The following DYNLL2 variants were observed in gnomAD, a reference collection of about 807,000 sequenced individuals.
DYNLL2 encodes the protein dynein light chain 2, cytoplasmic.
Under a neutral mutation model 9.7 loss-of-function variants are expected in DYNLL2, and 1 was observed. The ratio of observed to expected loss-of-function variants is 0.10; its 90% confidence interval spans 0.04 to 0.49. The LOEUF is 0.49. Ranked by LOEUF, DYNLL2 falls within the 20% of genes least tolerant of loss-of-function variation. The probability of loss-of-function intolerance (pLI) is 0.95; values close to 1 mark genes in which losing one functional copy is unlikely to be tolerated. For missense variants in DYNLL2, 37 were observed against 115.2 expected (o/e 0.32, Z 3.11); for synonymous variants, 35 against 40.5 (o/e 0.86, Z 0.52).
chr17:58,089,396 C>T lies in DYNLL2; in HGVS notation c.*117C>T, dbSNP rs2075771980. On this transcript the variant is annotated 3_prime_UTR_variant, in exon 3 of 3. Coordinates refer to ENST00000579991, the MANE Select transcript of DYNLL2 (RefSeq NM_080677.3). ...GTCCTCTCCAATGGCTGTGCTACTG[C>T]ATGGACTGTATACTCGATTTCATGT... The T allele has an allele frequency of 7.4e-7, 1 of 1,343,896 alleles. No individual in the cohort carries two copies. The highest frequency in any genetic ancestry group is 1.0e-6 in the Non-Finnish European group (1 of 978,224). The allele number at this position is 1,343,896 out of a possible 1,614,324, so 83.2% of individuals were successfully genotyped here.
intron 1 of DYNLL2, among the ~76,000 whole-genome samples, chr17:58,084,491 C>T (rs2143591053): frequency 6.6e-6 from 1 of 152,276 alleles, no homozygotes; most frequent in African/African-American, 2.4e-5. Context: ...CTCTGGCCAT[C>T]TTCCTCCTAT....
At chr17:58,087,262 A>G (rs2075763577) in intron 2 of DYNLL2, 40 bp downstream of exon 2, 1 of 1,609,734 alleles carries the variant, frequency 6.2e-7, no homozygotes, top group Admixed American at 1.7e-5. Context: ...AGGGGTGGGG[A>G]TCGACAGCTG....
At chr17:58,087,350 T>TG (rs2075763859) in intron 2 of DYNLL2, 128 bp downstream of exon 2, 1 of 1,350,140 alleles carries the variant, frequency 7.4e-7, no homozygotes, top group Admixed American at 2.6e-5. Context: ...CCTAGGAACT[T>TG]GCAAAGCAGA....
rs192602277 is a variant in DYNLL2, at chr17:58,090,313, G to C, written c.*1034G>C. ...GGGCAGGACAGTGTGGAATCTCTAGGGTGTATGGGTAGGTAGGGGGCACAG... is the reference window on the plus strand; with the variant it reads ...GGGCAGGACAGTGTGGAATCTCTAGCGTGTATGGGTAGGTAGGGGGCACAG... On this transcript the variant is annotated 3_prime_UTR_variant, in exon 3 of 3. Transcript: ENST00000579991. 6.0e-6 allele frequency: 1 copy of C among 167,182 alleles called. No homozygotes were observed. Among genetic ancestry groups the C allele is most frequent in the African/African-American group, 2.4e-5 (1 of 41,940 alleles). The allele number at this position is 167,182 out of a possible 1,614,324, so 10.4% of individuals were successfully genotyped here.
intron 1 of DYNLL2, among the ~76,000 whole-genome samples, chr17:58,085,219 T>G (rs1325341362): frequency 3.3e-5 from 5 of 152,184 alleles, no homozygotes; most frequent in Non-Finnish European, 5.9e-5. Context: ...CTGCTTAGTT[T>G]GGCAGTGCTA....
At chr17:58,086,186 A>G (rs1214559128) in intron 1 of DYNLL2, among the ~76,000 whole-genome samples, 4 of 152,078 alleles carry the variant, frequency 2.6e-5, no homozygotes, top group Non-Finnish European at 5.9e-5. Context: ...CATAATTATC[A>G]TTATCTCTGC....
rs545776389 is a variant in DYNLL2 at position 58,093,327 on chromosome 17, C to T, written c.*4048C>T. ...AGCAAGAGTGCCTGAGCCACTCTTGCTTGGCAGTATGGGAGGATGAAATAG... is the reference window on the plus strand; with the variant it reads ...AGCAAGAGTGCCTGAGCCACTCTTGTTTGGCAGTATGGGAGGATGAAATAG... On this transcript the variant is annotated 3_prime_UTR_variant, in exon 3 of 3. Transcript: ENST00000579991. 25 of 152,298 alleles carry T rather than the reference C, an allele frequency of 1.6e-4. No homozygotes were observed. The highest frequency in any genetic ancestry group is 6.0e-4 in the African/African-American group (25 of 41,576). 9.4% of individuals were successfully genotyped at this position (152,298 alleles called of 1,614,324 possible).
At chr17:58,085,653 A>G (rs1206724007) in intron 1 of DYNLL2, among the ~76,000 whole-genome samples, 2 of 152,178 alleles carry the variant, frequency 1.3e-5, no homozygotes, top group African/African-American at 4.8e-5. Context: ...CGCTCGTCCC[A>G]AGAAGGGTCC....
rs540380642 is a variant in DYNLL2, at chr17:58,094,675, G to A, written c.*5396G>A. On this transcript the variant is annotated 3_prime_UTR_variant, in exon 3 of 3. Coordinates refer to ENST00000579991, the MANE Select transcript of DYNLL2 (RefSeq NM_080677.3). ...GTTCAGCAGTTTTTAGCATATACAC[G>A]AATTTGTGCAGCCATAACCACTATC... The A allele has an allele frequency of 2.6e-5, 4 of 152,226 alleles. No individual in the cohort carries two copies. The highest frequency in any genetic ancestry group is 4.1e-4 in the South Asian group (2 of 4,820). The allele number at this position is 152,226 out of a possible 1,614,324, so 9.4% of individuals were successfully genotyped here. A position where few individuals can be genotyped will look rare whatever the true frequency, so the allele number is the denominator to read the frequency against.
intron 1 of DYNLL2, among the ~76,000 whole-genome samples, chr17:58,086,243 G>A (rs1445728354): frequency 6.6e-6 from 1 of 152,216 alleles, no homozygotes; most frequent in Non-Finnish European, 1.5e-5. Flanking sequence ...TAGGGCAGGG[G>A]TTGGCAGCAT....
At position 58,094,859 on chromosome 17, in the gene DYNLL2, T is replaced by C. The variant is rs1301287938; in HGVS notation, c.*5580T>C. On this transcript the variant is annotated 3_prime_UTR_variant, in exon 3 of 3. Coordinates refer to ENST00000579991, the MANE Select transcript of DYNLL2 (RefSeq NM_080677.3). The stretch of plus-strand genomic sequence containing the variant: ...CATTTCATATAAATGCAATTGTACA[T>C]GTGGCCTTTTGTTTCTGGCTTCTTT... 1 of 152,274 alleles carries C rather than the reference T, an allele frequency of 6.6e-6. No homozygotes were observed. The highest frequency in any genetic ancestry group is 6.5e-5 in the Admixed American group (1 of 15,284). The allele number at this position is 152,274 out of a possible 1,614,324, so 9.4% of individuals were successfully genotyped here.
In DYNLL2 at chr17:58,089,291, G is replaced by A; in HGVS notation, c.*12G>A. The stretch of plus-strand genomic sequence containing the variant: ...TCAAGTCAGGCTAGGTGGCCATGGT[G>A]AAGGTGTCAGTGGCGGCGGCAGCGA... On this transcript the variant is annotated 3_prime_UTR_variant, in exon 3 of 3. Coordinates refer to ENST00000579991, the MANE Select transcript of DYNLL2 (RefSeq NM_080677.3). The A allele has an allele frequency of 2.5e-6, 4 of 1,610,742 alleles. No individual in the cohort carries two copies. The highest frequency in any genetic ancestry group is 3.4e-6 in the Non-Finnish European group (4 of 1,177,856).
intron 1 of DYNLL2, among the ~76,000 whole-genome samples, chr17:58,085,902 A>G (rs764198657): frequency 5.3e-5 from 8 of 152,260 alleles, no homozygotes; most frequent in Admixed American, 1.3e-4. Context: ...CTAATAGGTC[A>G]GTACTTTTTG....
chr17:58,089,809 A>G lies in DYNLL2; in HGVS notation c.*530A>G, dbSNP rs1215341950. 5 of 398,890 alleles carry G rather than the reference A, an allele frequency of 1.3e-5. No individual in the cohort carries two copies. Among genetic ancestry groups the G allele is most frequent in the African/African-American group, 8.2e-5 (4 of 48,528 alleles). 24.7% of individuals were successfully genotyped at this position (398,890 alleles called of 1,614,324 possible). ...GATCTAGTACCAGGGAGAATATTCC[A>G]CTGAACTGTGATTCTATGGCTTGGG... On this transcript the variant is annotated 3_prime_UTR_variant, in exon 3 of 3. Transcript: ENST00000579991.
In DYNLL2 at chr17:58,089,105, C is replaced by G. The variant is rs749122805; in HGVS notation, c.133-37C>G. 11 of 1,612,740 alleles carry G rather than the reference C, an allele frequency of 6.8e-6. No individual in the cohort carries two copies. The South Asian group carries it at 1.2e-4, about 18-fold the overall frequency. ...TCTGATTTCTCCTTCTCCAGCTACC[C>G]TAATTACCTTTCTTCTCTACCTTTG... is the stretch of plus-strand genomic sequence containing the variant. On this transcript the variant is annotated intron_variant, in intron 2 of 2. Transcript: ENST00000579991.
intron 2 of DYNLL2, among the ~76,000 whole-genome samples, chr17:58,088,496 A>G (rs2075768702): frequency 6.6e-6 from 1 of 152,192 alleles, no homozygotes; most frequent in South Asian, 2.1e-4. Flanking sequence ...TAGGGAGCTG[A>G]TTAGCTCTAA....
In DYNLL2 at chr17:58,083,462, G is replaced by GAGCTGTGAGGCGCCAGT. The variant is rs1555582632; in HGVS notation, c.-231_-230insAGCTGTGAGGCGCCAGT. On this transcript the variant is annotated 5_prime_UTR_variant, in exon 1 of 3. Coordinates refer to ENST00000579991, the MANE Select transcript of DYNLL2 (RefSeq NM_080677.3). ...AGCTGTGAGGCGCCAGTGCGGAGCG[G>GAGCTGTGAGGCGCCAGT]GCGGGCGGGCGGGCGGCGTGAGGCG... is the stretch of plus-strand genomic sequence containing the variant. 7.8e-6 allele frequency: 1 copy of GAGCTGTGAGGCGCCAGT among 128,686 alleles called. No individual in the cohort carries two copies. The highest frequency in any genetic ancestry group is 3.2e-5 in the African/African-American group (1 of 30,816). The allele number at this position is 128,686 out of a possible 1,614,324, so 8.0% of individuals were successfully genotyped here. A position where few individuals can be genotyped will look rare whatever the true frequency, so the allele number is the denominator to read the frequency against.
In DYNLL2 at chr17:58,092,363, C is replaced by T. The variant is rs2075783101; in HGVS notation, c.*3084C>T. The T allele has an allele frequency of 1.3e-5, 2 of 152,242 alleles. No homozygotes were observed. The highest frequency in any genetic ancestry group is 1.3e-4 in the Admixed American group (2 of 15,290). The allele number at this position is 152,242 out of a possible 1,614,324, so 9.4% of individuals were successfully genotyped here. On this transcript the variant is annotated 3_prime_UTR_variant, in exon 3 of 3. Transcript: ENST00000579991. ...GTCCAGGTGGCATCTGTGAACAACACATTCCTGCACAGGTAGGTGCACAGT... is the reference window on the plus strand; with the variant it reads ...GTCCAGGTGGCATCTGTGAACAACATATTCCTGCACAGGTAGGTGCACAGT...
rs1168598777 is a variant in DYNLL2, at chr17:58,083,450, C to T, written c.-243C>T. ...AGAGCGGAGCGGAGCTGTGAGGCGC[C>T]AGTGCGGAGCGGGCGGGCGGGCGGG... On this transcript the variant is annotated 5_prime_UTR_variant, in exon 1 of 3. Transcript: ENST00000579991. 2 of 57,348 alleles carry T rather than the reference C, an allele frequency of 3.5e-5. No homozygotes were observed. Among genetic ancestry groups the T allele is most frequent in the East Asian group, 2.0e-3 (2 of 976 alleles). The allele number at this position is 57,348 out of a possible 1,614,324, so 3.6% of individuals were successfully genotyped here.
Sources: gnomAD v4.1 joint callset for allele counts (sites outside exome capture counted in the v4.1 genomes callset) on GRCh38, gnomAD v4.1.1 for gene constraint, MANE v1.5 for transcripts, NCBI Gene and HGNC (gene_info 2026-07-23, HGNC 2026-07-21) for gene names.